Variants in MACROD2 observed in about 807,000 individuals in gnomAD.
The protein encoded by MACROD2 is ADP-ribose glycohydrolase MACROD2.
A neutral mutation model predicts 70.4 loss-of-function variants in MACROD2; 36 were observed. That is an observed-to-expected ratio of 0.51 (90% CI 0.39 to 0.68). The LOEUF is 0.68. Among genes scored for constraint, MACROD2 ranks in the 30% least tolerant of loss-of-function variants. MACROD2 has a pLI of 0.00. For synonymous variants in MACROD2, 172 were observed against 178.8 expected (o/e 0.96, Z 0.30); for missense variants, 496 against 538.4 (o/e 0.92, Z 0.78).
At chr20:14,644,457 T>C (rs565538399) in intron 4 of MACROD2, among the ~76,000 whole-genome samples, 2 of 152,312 alleles carry the variant, frequency 1.3e-5, no homozygotes, top group Admixed American at 1.3e-4. Flanking sequence ...GAAATGGTTT[T>C]ATAATTTAGC....
intron 5 of MACROD2, among the ~76,000 whole-genome samples, chr20:14,767,055 G>A (rs204112): frequency 0.073 from 11,122 of 152,142 alleles, 496 homozygotes; most frequent in Middle Eastern, 0.21. Flanking sequence ...AAGGCCAGGC[G>A]TGGTGGCTTA....
chr20:14,590,562 A>G (rs1981698096), intron 4 of MACROD2, among the ~76,000 whole-genome samples: 1 of 151,920 alleles, frequency 6.6e-6, no homozygotes, highest in Non-Finnish European at 1.5e-5. Context: ...AGATTTATCC[A>G]TTTTGCATAC....
intron 6 of MACROD2, chr20:15,280,738 T>G (rs891107279): frequency 1.3e-5 from 2 of 152,212 alleles, no homozygotes; most frequent in African/African-American, 4.8e-5. Flanking sequence ...ACTTCTTACC[T>G]TGGACCTTGT....
At chr20:15,245,561 A>T (rs1024794547) in intron 6 of MACROD2, among the ~76,000 whole-genome samples, 1 of 152,118 alleles carries the variant, frequency 6.6e-6, no homozygotes, top group Non-Finnish European at 1.5e-5. Flanking sequence ...CTTACTTATG[A>T]TTTTTTAGTT....
At chr20:15,079,037 G>A (rs1270020284) in intron 5 of MACROD2, among the ~76,000 whole-genome samples, 4 of 151,908 alleles carry the variant, frequency 2.6e-5, no homozygotes, top group Non-Finnish European at 5.9e-5. Context: ...CATTTTTCCT[G>A]TACACCATGC....
At chr20:14,599,993 A>G (rs1007005158) in intron 4 of MACROD2, among the ~76,000 whole-genome samples, 24 of 152,184 alleles carry the variant, frequency 1.6e-4, no homozygotes, top group Non-Finnish European at 3.2e-4. Context: ...TGACATTTTC[A>G]GCAGTCACTA....
intron 6 of MACROD2, among the ~76,000 whole-genome samples, chr20:15,232,986 C>T (rs1319317225): frequency 6.6e-6 from 1 of 151,654 alleles, no homozygotes; most frequent in Non-Finnish European, 1.5e-5. Flanking sequence ...AGGTAACTTC[C>T]GTGACAAAGA....
intron 3 of MACROD2, among the ~76,000 whole-genome samples, chr20:14,215,335 TATACACAC>T (rs1413563543): frequency 9.1e-4 from 93 of 101,728 alleles, no homozygotes; most frequent in African/African-American, 2.0e-3. Flanking sequence ...TGCCATCATA[TATACACAC>T]ACACACACAC....
chr20:14,450,942 A>G (rs1433304166), intron 3 of MACROD2, among the ~76,000 whole-genome samples: 5 of 152,252 alleles, frequency 3.3e-5, no homozygotes, highest in Admixed American at 1.3e-4. Flanking sequence ...TAAGAAACTC[A>G]TATCACTGAA....
chr20:13,997,183 T>C (rs1341901490), intron 1 of MACROD2, among the ~76,000 whole-genome samples: 2 of 152,356 alleles, frequency 1.3e-5, no homozygotes, highest in East Asian at 3.9e-4. Context: ...CATTTAATTA[T>C]GTTTTAATAA....
At chr20:15,880,605 T>A (rs1229097194) in intron 9 of MACROD2, among the ~76,000 whole-genome samples, 1 of 151,944 alleles carries the variant, frequency 6.6e-6, no homozygotes, top group Non-Finnish European at 1.5e-5. Flanking sequence ...AGGGAGATAG[T>A]ACAGAACATG....
At chr20:16,002,453 T>G (rs779297958) in intron 15 of MACROD2, among the ~76,000 whole-genome samples, 24 of 152,132 alleles carry the variant, frequency 1.6e-4, no homozygotes, top group Admixed American at 3.3e-4. Flanking sequence ...TAATCACAAG[T>G]ATATCTATAA....
chr20:14,699,904 T>G (rs1475802108), intron 5 of MACROD2, among the ~76,000 whole-genome samples: 1 of 142,908 alleles, frequency 7.0e-6, no homozygotes, highest in African/African-American at 2.6e-5. Flanking sequence ...AGTTTAAACT[T>G]TTTAAATCTA....
chr20:14,862,564 A>AATATATATAAAT lies in MACROD2; in HGVS notation c.418+177612_418+177623dup, dbSNP rs1196480651. On this transcript the variant is annotated intron_variant, in intron 5 of 17. Coordinates refer to ENST00000684519, the MANE Select transcript of MACROD2 (RefSeq NM_001351661.2). The stretch of plus-strand genomic sequence containing the variant: ...ATATAAAAATATATATATAAATATA[A>AATATATATAAAT]ATATATATAAATATATATGTATAAA... Among the ~76,000 whole-genome samples the AATATATATAAAT allele has an allele frequency of 1.3e-4, 2 of 15,260 alleles. 1 individual carries two copies. Among genetic ancestry groups the AATATATATAAAT allele is most frequent in the Admixed American group, 2.4e-3 (2 of 832 alleles). 10.0% of individuals were successfully genotyped at this position (15,260 alleles called of 152,430 possible).
At chr20:14,127,985 C>A in intron 3 of MACROD2, 1 of 522,884 alleles carries the variant, frequency 1.9e-6, no homozygotes, top group South Asian at 1.5e-5. Flanking sequence ...GAACAGTTGT[C>A]AGTGGTCTGG....
chr20:14,969,579 A>G (rs993578272), intron 5 of MACROD2, among the ~76,000 whole-genome samples: 1 of 152,112 alleles, frequency 6.6e-6, no homozygotes, highest in Non-Finnish European at 1.5e-5. Flanking sequence ...CGTAAGAAAA[A>G]TATATAAAGA....
chr20:14,283,973 T>C (rs1000213997), intron 3 of MACROD2, among the ~76,000 whole-genome samples: 1 of 152,220 alleles, frequency 6.6e-6, no homozygotes, highest in African/African-American at 2.4e-5. Context: ...TAAGCATTTA[T>C]GTAATTTGGG....
chr20:15,975,962 TA>T (rs915035961), intron 13 of MACROD2, among the ~76,000 whole-genome samples: 1 of 152,238 alleles, frequency 6.6e-6, no homozygotes, highest in Non-Finnish European at 1.5e-5. Flanking sequence ...GAAATTTTTA[TA>T]AAAGTACAGT....
intron 7 of MACROD2, among the ~76,000 whole-genome samples, chr20:15,462,116 A>G (rs529290144): frequency 1.1e-4 from 17 of 152,192 alleles, no homozygotes; most frequent in Admixed American, 9.2e-4. Flanking sequence ...GCTACGTGGA[A>G]TCTAGTTTCC....
Sources: allele counts gnomAD v4.1 joint callset (sites outside exome capture counted in the v4.1 genomes callset), GRCh38; gene constraint gnomAD v4.1.1; transcripts MANE v1.5; gene names NCBI Gene and HGNC (gene_info 2026-07-23, HGNC 2026-07-21).